BEAN1: variants seen among roughly 807,000 people sequenced by gnomAD.
BEAN1 encodes the protein brain expressed associated with NEDD4 1, also known as protein BEAN1.
BEAN1 carries 17 observed loss-of-function variants against 17.7 expected under a neutral mutation model. That is an observed-to-expected ratio of 0.96 (90% CI 0.66 to 1.44). BEAN1 has a LOEUF of 1.44. Ranked by LOEUF, BEAN1 falls within the 40% of genes most tolerant of loss-of-function variation. The pLI, the probability that BEAN1 is intolerant of heterozygous loss-of-function variation, is 0.00. For synonymous variants in BEAN1, 142 were observed against 151.8 expected (o/e 0.94, Z 0.47); for missense variants, 359 against 374.1 (o/e 0.96, Z 0.33).
intron 2 of BEAN1, 101 bp from the exon 3 acceptor site, chr16:66,469,501 A>ATTTAT: frequency 7.4e-7 from 1 of 1,357,046 alleles, no homozygotes; most frequent in South Asian, 1.4e-5. Context: ...ACCCTCCTCC[A>ATTTAT]TTTATTTAGG....
intron 3 of BEAN1, among the ~76,000 whole-genome samples, chr16:66,476,859 T>C (rs994524576): frequency 7.2e-5 from 11 of 152,012 alleles, no homozygotes; most frequent in Admixed American, 6.6e-4. Flanking sequence ...TTCAGAGCCT[T>C]TGATGTCCTG....
At chr16:66,451,951 T>G (rs1452834923) in intron 2 of BEAN1, among the ~76,000 whole-genome samples, 1 of 152,172 alleles carries the variant, frequency 6.6e-6, no homozygotes, top group Non-Finnish European at 1.5e-5. Context: ...TAAACGTTGG[T>G]GAACACAAGG....
At chr16:66,449,789 A>G (rs1962602981) in intron 2 of BEAN1, among the ~76,000 whole-genome samples, 1 of 152,212 alleles carries the variant, frequency 6.6e-6, no homozygotes, top group African/African-American at 2.4e-5. Flanking sequence ...AACACACTCT[A>G]AACAGTGAGA....
At chr16:66,459,346 G>C (rs1962995981) in intron 2 of BEAN1, among the ~76,000 whole-genome samples, 1 of 151,982 alleles carries the variant, frequency 6.6e-6, no homozygotes, top group Non-Finnish European at 1.5e-5. Flanking sequence ...TTGAGGTGGT[G>C]TTTCACTCTG....
rs1962077056 is a variant in BEAN1, at chr16:66,437,577, CTGTT to C, written c.-82-14_-82-11del. 8.0e-6 allele frequency: 11 copies of C among 1,379,796 alleles called. No individual in the cohort carries two copies. Among genetic ancestry groups the C allele is most frequent in the Non-Finnish European group, 9.8e-6 (10 of 1,019,576 alleles). 85.5% of individuals were successfully genotyped at this position (1,379,796 alleles called of 1,614,324 possible). On this transcript the variant is annotated splice_polypyrimidine_tract_variant and intron_variant, in intron 1 of 4. Transcript: ENST00000536005. ...GCGCCATGGGCCCCCCAACACCTGC[CTGTT>C]TGTGTCTCCGCAGGTGAGTGGAGGG...
chr16:66,489,762 T>C (rs1964139574), intron 4 of BEAN1, among the ~76,000 whole-genome samples: 1 of 152,136 alleles, frequency 6.6e-6, no homozygotes, highest in South Asian at 2.1e-4. Flanking sequence ...GAGGGAAGTT[T>C]TATAGGATCA....
At chr16:66,444,299 A>C (rs1372847062) in intron 2 of BEAN1, among the ~76,000 whole-genome samples, 1 of 152,110 alleles carries the variant, frequency 6.6e-6, no homozygotes, top group African/African-American at 2.4e-5. Context: ...CCTCATAGAG[A>C]GGTCTCAAGC....
chr16:66,445,332 C>T (rs766482485), intron 2 of BEAN1, among the ~76,000 whole-genome samples: 3 of 151,502 alleles, frequency 2.0e-5, no homozygotes, highest in Non-Finnish European at 2.9e-5. Flanking sequence ...AAAAATTAGC[C>T]GGGCGTGGTG....
intron 2 of BEAN1, among the ~76,000 whole-genome samples, chr16:66,459,850 C>T (rs1001682838): frequency 3.3e-5 from 5 of 152,214 alleles, no homozygotes; most frequent in Non-Finnish European, 7.3e-5. Flanking sequence ...TAAGTCCTGA[C>T]TTGCTCTTCT....
intron 2 of BEAN1, among the ~76,000 whole-genome samples, chr16:66,456,428 TTCCACTGTC>T (rs756491497): frequency 8.5e-5 from 13 of 152,202 alleles, no homozygotes; most frequent in Non-Finnish European, 1.3e-4. Flanking sequence ...CTCAACCCAA[TTCCACTGTC>T]TCCTACTTAT....
intron 4 of BEAN1, among the ~76,000 whole-genome samples, chr16:66,492,628 G>A (rs961696038): frequency 2.7e-5 from 4 of 150,746 alleles, no homozygotes; most frequent in African/African-American, 9.8e-5. Flanking sequence ...TTTTAGTAGA[G>A]AGGGGTTTCA....
intron 2 of BEAN1, among the ~76,000 whole-genome samples, chr16:66,468,081 A>C (rs1963323133): frequency 6.6e-6 from 1 of 152,120 alleles, no homozygotes; most frequent in Non-Finnish European, 1.5e-5. Flanking sequence ...AAGCCCTCCT[A>C]CAGCTACTCA....
In BEAN1 at chr16:66,447,942, A is replaced by G. The variant is rs111804055; in HGVS notation, c.25+10241A>G. On this transcript the variant is annotated intron_variant, in intron 2 of 4. Transcript: ENST00000536005. Reference sequence around the variant, plus strand: ...AAATGTGGAAAATGCCCCAGGAGGGAGCCTGCTGCTCTGTTCTCAGTGAAG... The same window carrying G: ...AAATGTGGAAAATGCCCCAGGAGGGGGCCTGCTGCTCTGTTCTCAGTGAAG... 5.4e-3 allele frequency among the ~76,000 whole-genome samples: 825 copies of G among 152,298 alleles called. 6 individuals carry two copies. The highest frequency in any genetic ancestry group is 0.016 in the African/African-American group (674 of 41,568).
At chr16:66,483,061 T>C (rs1964032381), downstream of BEAN1, 2 of 363,760 alleles carry the variant, frequency 5.5e-6, no homozygotes, top group Non-Finnish European at 1.1e-5. Context: ...AGGGTCTCAC[T>C]ATGTTGCCCA....
chr16:66,467,792 G>A (rs1288762217), intron 2 of BEAN1, among the ~76,000 whole-genome samples: 1 of 152,212 alleles, frequency 6.6e-6, no homozygotes, highest in African/African-American at 2.4e-5. Context: ...TCAAGAGTGA[G>A]ATGACACACT....
At chr16:66,457,560 A>G (rs1336461436) in intron 2 of BEAN1, among the ~76,000 whole-genome samples, 1 of 152,158 alleles carries the variant, frequency 6.6e-6, no homozygotes, top group East Asian at 1.9e-4. Flanking sequence ...CCAAATGTTC[A>G]GCTGCCATCA....
chr16:66,488,062 G>GC (rs1964113448), intron 4 of BEAN1, among the ~76,000 whole-genome samples: 1 of 152,190 alleles, frequency 6.6e-6, no homozygotes, highest in Non-Finnish European at 1.5e-5. Context: ...ACCATGCCCA[G>GC]CGTTCTCACC....
At chr16:66,474,767 AGAAAG>A (rs1963669022) in intron 3 of BEAN1, among the ~76,000 whole-genome samples, 1 of 152,222 alleles carries the variant, frequency 6.6e-6, no homozygotes, top group Non-Finnish European at 1.5e-5. Flanking sequence ...GAAAGAAGAA[AGAAAG>A]GAGAGAGAAG....
In BEAN1 at chr16:66,481,038, T is replaced by G; in HGVS notation, c.*113T>G. 1 of 904,194 alleles carries G rather than the reference T, an allele frequency of 1.1e-6. No homozygotes were observed. 56.0% of individuals were successfully genotyped at this position (904,194 alleles called of 1,614,324 possible). ...GCACACGTGACTCATAACACACACA[T>G]AGACCAAACTTGTATACACACAGAC... On this transcript the variant is annotated 3_prime_UTR_variant, in exon 5 of 5. Transcript: ENST00000536005. The surrounding 1 kb of genome is among the most constrained non-coding windows in gnomAD (Gnocchi z 4.1).
Sources: gnomAD v4.1 joint callset for allele counts (sites outside exome capture counted in the v4.1 genomes callset) on GRCh38, gnomAD v4.1.1 for gene constraint, Gnocchi (gnomAD v3.1) non-coding constraint, MANE v1.5 for transcripts, NCBI Gene and HGNC (gene_info 2026-07-23, HGNC 2026-07-21) for gene names.